Variants in TAB2 observed in about 807,000 individuals in gnomAD.
TAB2 encodes TGF-beta activated kinase 1 (MAP3K7) binding protein 2, also known as TGF-beta-activated kinase 1 and MAP3K7-binding protein 2.
A neutral mutation model predicts 65.0 loss-of-function variants in TAB2; 3 were observed. That is an observed-to-expected ratio of 0.05 (90% CI 0.02 to 0.12). The LOEUF is 0.12. Ranked by LOEUF, TAB2 falls within the 10% of genes least tolerant of loss-of-function variation. The pLI, the probability that TAB2 is intolerant of heterozygous loss-of-function variation, is 1.00. For missense variants in TAB2, 623 were observed against 840.3 expected (o/e 0.74, Z 3.20); for synonymous variants, 298 against 285.1 (o/e 1.05, Z -0.46).
At chr6:149,264,141 A>G (rs1778213054) in intron 1 of TAB2, among the ~76,000 whole-genome samples, 1 of 152,172 alleles carries the variant, frequency 6.6e-6, no homozygotes, top group African/African-American at 2.4e-5. Context: ...GAGTCTCCTG[A>G]ACAAGGAGGA....
chr6:149,328,964 G>C (rs478767), intron 1 of TAB2, among the ~76,000 whole-genome samples: 18,595 of 152,150 alleles, frequency 0.12, 1,742 homozygotes, highest in East Asian at 0.51. Context: ...TAGATAGAGA[G>C]AAACACCATG....
chr6:149,229,393 CGTGTGTGT>C (rs10553494), intron 1 of TAB2, among the ~76,000 whole-genome samples: 3 of 149,076 alleles, frequency 2.0e-5, no homozygotes, highest in Non-Finnish European at 4.5e-5. Flanking sequence ...CCTTTAAAGA[CGTGTGTGT>C]GTGTGTGTGT....
At chr6:149,314,736 T>C (rs1414744364), upstream of TAB2, among the ~76,000 whole-genome samples, 2 of 152,182 alleles carry the variant, frequency 1.3e-5, no homozygotes, top group Non-Finnish European at 2.9e-5. Flanking sequence ...ATGTGGCTAG[T>C]GCAACTGGAA....
chr6:149,341,022 T>C (rs1288647249), intron 1 of TAB2, among the ~76,000 whole-genome samples: 2 of 152,142 alleles, frequency 1.3e-5, no homozygotes, highest in Non-Finnish European at 2.9e-5. Flanking sequence ...TATAAGGCTT[T>C]TCTTTGCCCT....
At chr6:149,271,467 G>C (rs1562395446) in intron 1 of TAB2, among the ~76,000 whole-genome samples, 1 of 152,146 alleles carries the variant, frequency 6.6e-6, no homozygotes, top group Non-Finnish European at 1.5e-5. Flanking sequence ...TCATCTGTTA[G>C]TTAAAGTTAA....
chr6:149,356,243 T>C (rs1000170617), intron 1 of TAB2, among the ~76,000 whole-genome samples: 2 of 152,224 alleles, frequency 1.3e-5, no homozygotes, highest in African/African-American at 2.4e-5. Context: ...AGTATGGCCT[T>C]ATTAAAGGCA....
At chr6:149,300,903 A>G (rs377611701) in intron 1 of TAB2, among the ~76,000 whole-genome samples, 74 of 152,310 alleles carry the variant, frequency 4.9e-4, no homozygotes, top group Non-Finnish European at 9.8e-4. Flanking sequence ...TGACTCAGCT[A>G]CTCAAGCGTA....
chr6:149,325,105 C>A (rs563540964), intron 1 of TAB2, among the ~76,000 whole-genome samples: 1 of 151,988 alleles, frequency 6.6e-6, no homozygotes, highest in Non-Finnish European at 1.5e-5. Context: ...TTAATTTTAC[C>A]GTGTTGGGAG....
At chr6:149,260,786 T>A (rs1019735491) in intron 1 of TAB2, among the ~76,000 whole-genome samples, 6 of 152,076 alleles carry the variant, frequency 3.9e-5, no homozygotes, top group African/African-American at 1.4e-4. Context: ...GACACAGGTG[T>A]ATATGTATGA....
intron 1 of TAB2, among the ~76,000 whole-genome samples, chr6:149,325,895 AC>A (rs1779602117): frequency 6.6e-6 from 1 of 152,158 alleles, no homozygotes; most frequent in South Asian, 2.1e-4. Context: ...GCGTACCACA[AC>A]GCTCAGCTTA....
intron 1 of TAB2, among the ~76,000 whole-genome samples, chr6:149,328,551 C>G (rs1202217219): frequency 6.6e-6 from 1 of 152,168 alleles, no homozygotes; most frequent in Non-Finnish European, 1.5e-5. Context: ...CTTGACCTAC[C>G]AAAGTGCTGG....
At chr6:149,399,871 A>G (rs1368207370) in intron 6 of TAB2, among the ~76,000 whole-genome samples, 1 of 152,228 alleles carries the variant, frequency 6.6e-6, no homozygotes, top group East Asian at 1.9e-4. Context: ...TAATATTAAA[A>G]GAAGAAAACT....
intron 1 of TAB2, among the ~76,000 whole-genome samples, chr6:149,282,580 G>A (rs775314772): frequency 7.9e-5 from 12 of 152,030 alleles, no homozygotes; most frequent in Non-Finnish European, 1.2e-4. Context: ...TAAAGAATTC[G>A]AATCATACAA....
At chr6:149,386,194 A>G (rs1781803163) in intron 3 of TAB2, among the ~76,000 whole-genome samples, 1 of 152,252 alleles carries the variant, frequency 6.6e-6, no homozygotes, top group African/African-American at 2.4e-5. Flanking sequence ...TATGTCTGAC[A>G]TTCACTAAAT....
intron 2 of TAB2, among the ~76,000 whole-genome samples, chr6:149,377,650 T>C (rs941221386): frequency 6.6e-6 from 1 of 152,254 alleles, no homozygotes; most frequent in Non-Finnish European, 1.5e-5. Flanking sequence ...TAAAAAATGT[T>C]TGATTATACA....
At chr6:149,386,946 C>CT (rs1257436695) in intron 3 of TAB2, among the ~76,000 whole-genome samples, 1 of 152,146 alleles carries the variant, frequency 6.6e-6, no homozygotes, top group African/African-American at 2.4e-5. Context: ...CCTTTGCCTA[C>CT]TTTTAAATTA....
chr6:149,253,990 GAAAGAAAGA>G (rs1777928775), intron 1 of TAB2, among the ~76,000 whole-genome samples: 2 of 138,312 alleles, frequency 1.4e-5, no homozygotes, highest in African/African-American at 5.4e-5. Context: ...AAGAAAGAAA[GAAAGAAAGA>G]AAGAAAGAAA....
At chr6:149,324,509 A>T (rs984611733) in intron 1 of TAB2, among the ~76,000 whole-genome samples, 34 of 152,082 alleles carry the variant, frequency 2.2e-4, no homozygotes, top group African/African-American at 7.7e-4. Context: ...TAATGTTAGC[A>T]AAATTGAGCA....
At chr6:149,349,301 T>G (rs1257432099) in intron 1 of TAB2, among the ~76,000 whole-genome samples, 1 of 150,122 alleles carries the variant, frequency 6.7e-6, no homozygotes, top group Non-Finnish European at 1.5e-5. Flanking sequence ...GCGCCTGTAA[T>G]CCTAGCTACT....
Sources: allele counts gnomAD v4.1 joint callset (sites outside exome capture counted in the v4.1 genomes callset), GRCh38; gene constraint gnomAD v4.1.1; transcripts MANE v1.5; gene names NCBI Gene and HGNC (gene_info 2026-07-23, HGNC 2026-07-21).